The following PRKN variants were observed in gnomAD, a reference collection of about 807,000 sequenced individuals.
PRKN encodes parkin RBR E3 ubiquitin protein ligase.
PRKN carries 56 observed loss-of-function variants against 59.5 expected under a neutral mutation model. The observed-to-expected ratio is 0.94, with a 90% CI of 0.76 to 1.18. The LOEUF is 1.18. PRKN is among the 50% of genes most tolerant of loss of function. The pLI is 0.00. For missense variants in PRKN, 657 were observed against 596.4 expected, an observed-to-expected ratio of 1.10 and a Z score of -1.06; for synonymous variants, 250 against 222.1, an observed-to-expected ratio of 1.13 and a Z score of -1.12.
At chr6:161,890,852 T>C (rs186525315) in intron 6 of PRKN, among the ~76,000 whole-genome samples, 113 of 152,270 alleles carry the variant, frequency 7.4e-4, no homozygotes, top group Middle Eastern at 3.4e-3. Flanking sequence ...TTTCCCGCGC[T>C]CTGCCTCCGG....
At chr6:161,370,313 G>A (rs774561400) in intron 10 of PRKN, among the ~76,000 whole-genome samples, 12 of 151,550 alleles carry the variant, frequency 7.9e-5, no homozygotes, top group Non-Finnish European at 8.8e-5. Context: ...GGCTGGGCAC[G>A]GTGGCTCACA....
chr6:162,243,453 G>A (rs200310369), intron 3 of PRKN, among the ~76,000 whole-genome samples: 1 of 151,906 alleles, frequency 6.6e-6, no homozygotes, highest in Non-Finnish European at 1.5e-5. Context: ...AAGTATAAAC[G>A]TATTAAAACT....
intron 7 of PRKN, among the ~76,000 whole-genome samples, chr6:161,594,797 T>C (rs1781854702): frequency 6.6e-6 from 1 of 152,022 alleles, no homozygotes; most frequent in Admixed American, 6.6e-5. Context: ...AAGAAAATTA[T>C]AGGTAATAAA....
At chr6:162,718,248 T>A (rs1199495980) in intron 1 of PRKN, among the ~76,000 whole-genome samples, 1 of 152,072 alleles carries the variant, frequency 6.6e-6, no homozygotes, top group Admixed American at 6.5e-5. Flanking sequence ...AGCATCCCCA[T>A]CCCCTCTCTG....
chr6:162,502,787 T>A (rs1793430467), intron 1 of PRKN, among the ~76,000 whole-genome samples: 1 of 152,058 alleles, frequency 6.6e-6, no homozygotes, highest in Admixed American at 6.5e-5. Context: ...ATTTCACAAA[T>A]ACATAAGATA....
intron 2 of PRKN, among the ~76,000 whole-genome samples, chr6:162,325,148 C>T (rs1044468570): frequency 5.9e-5 from 4 of 68,132 alleles, no homozygotes; most frequent in Admixed American, 1.6e-4. Context: ...GTGCTAGAGC[C>T]CTCATGCCAC....
intron 3 of PRKN, among the ~76,000 whole-genome samples, chr6:162,232,035 G>T (rs1026201745): frequency 6.6e-6 from 1 of 152,126 alleles, no homozygotes; most frequent in Non-Finnish European, 1.5e-5. Flanking sequence ...TAACCTCTCA[G>T]GGAGGTTAAT....
intron 3 of PRKN, among the ~76,000 whole-genome samples, chr6:162,253,362 C>T (rs547553472): frequency 2.0e-5 from 3 of 152,200 alleles, no homozygotes; most frequent in African/African-American, 7.2e-5. Flanking sequence ...CACTAAATGA[C>T]TGCTGTTGCT....
chr6:161,642,017 T>C (rs1783762528), intron 7 of PRKN, among the ~76,000 whole-genome samples: 1 of 152,240 alleles, frequency 6.6e-6, no homozygotes, highest in Non-Finnish European at 1.5e-5. Flanking sequence ...AGAAGTTTAA[T>C]TTATGAATGT....
intron 4 of PRKN, among the ~76,000 whole-genome samples, chr6:162,154,866 T>C (rs1782436017): frequency 6.6e-6 from 1 of 151,960 alleles, no homozygotes; most frequent in Non-Finnish European, 1.5e-5. Flanking sequence ...TTTTCTTTCT[T>C]TGATAGATAT....
chr6:161,444,327 T>C lies in PRKN; in HGVS notation c.1084-57450A>G, dbSNP rs1383543059. Among the ~76,000 whole-genome samples the C allele has an allele frequency of 6.6e-6, 1 of 152,156 alleles. No homozygotes were observed. The highest frequency in any genetic ancestry group is 1.5e-5 in the Non-Finnish European group (1 of 68,018). On this transcript the variant is annotated intron_variant, in intron 9 of 11. Transcript: ENST00000366898. This position sits in a 1 kb window ranked among gnomAD's most constrained non-coding sequence, Gnocchi z 5.6. ...GAGATTCTCTTCCTTAAAGACACAT[T>C]CTCTGATGAACAGAATGTGCTCTGT...
At chr6:161,964,818 T>C (rs1219475546) in intron 6 of PRKN, among the ~76,000 whole-genome samples, 1 of 152,044 alleles carries the variant, frequency 6.6e-6, no homozygotes, top group Non-Finnish European at 1.5e-5. Context: ...GGATAAACTA[T>C]CAGATCCCAT....
At chr6:162,144,527 G>A (rs566769274) in intron 4 of PRKN, among the ~76,000 whole-genome samples, 5 of 152,160 alleles carry the variant, frequency 3.3e-5, no homozygotes, top group South Asian at 2.1e-4. Context: ...ATGGTGCTCC[G>A]AGCCTTCCTG....
chr6:161,630,424 C>T (rs1307274224), intron 7 of PRKN, among the ~76,000 whole-genome samples: 3 of 152,114 alleles, frequency 2.0e-5, no homozygotes, highest in African/African-American at 4.8e-5. Flanking sequence ...TTACCATTGA[C>T]ATAGTTTATA....
At chr6:162,072,127 A>G (rs1056445397) in intron 4 of PRKN, among the ~76,000 whole-genome samples, 12 of 152,148 alleles carry the variant, frequency 7.9e-5, no homozygotes. Flanking sequence ...CAGGAGGATA[A>G]AAGTGATTAC....
chr6:161,495,273 C>G (rs78888843), intron 9 of PRKN, among the ~76,000 whole-genome samples: 16 of 152,230 alleles, frequency 1.1e-4, no homozygotes, highest in African/African-American at 3.6e-4. Flanking sequence ...CTGCATTGCC[C>G]GGCATATCCT....
chr6:161,696,836 T>G (rs1285302475), intron 7 of PRKN, among the ~76,000 whole-genome samples: 1 of 152,236 alleles, frequency 6.6e-6, no homozygotes, highest in African/African-American at 2.4e-5. Context: ...AAATGATATT[T>G]GCATGCTCAG....
At chr6:162,460,272 T>C (rs554371001) in intron 1 of PRKN, among the ~76,000 whole-genome samples, 6 of 152,148 alleles carry the variant, frequency 3.9e-5, no homozygotes, top group African/African-American at 7.2e-5. Flanking sequence ...AGTCATAAGA[T>C]GTTGTATGAT....
intron 1 of PRKN, among the ~76,000 whole-genome samples, chr6:162,475,678 G>A (rs886798785): frequency 2.6e-5 from 4 of 151,298 alleles, no homozygotes; most frequent in African/African-American, 7.3e-5. Flanking sequence ...GGCTAGCTGC[G>A]TCATGCCTCC....
Sources: allele counts gnomAD v4.1 joint callset (sites outside exome capture counted in the v4.1 genomes callset), GRCh38; gene constraint gnomAD v4.1.1; non-coding constraint Gnocchi (gnomAD v3.1); transcripts MANE v1.5; gene names NCBI Gene and HGNC (gene_info 2026-07-23, HGNC 2026-07-21).